Variants in STX8 observed in about 807,000 individuals in gnomAD.
The protein encoded by STX8 is syntaxin 8.
Under a neutral mutation model 37.5 loss-of-function variants are expected in STX8, and 23 were observed. The ratio of observed to expected loss-of-function variants is 0.61; its 90% CI spans 0.44 to 0.87. STX8 has a LOEUF of 0.87. Ranked by LOEUF, STX8 falls within the 40% of genes least tolerant of loss-of-function variation. STX8 has a pLI of 0.00. For synonymous variants in STX8, 115 were observed against 99.1 expected (o/e 1.16, Z -0.95); for missense variants, 313 against 284.7 (o/e 1.10, Z -0.71).
intron 6 of STX8, among the ~76,000 whole-genome samples, chr17:9,416,648 T>C (rs1018840338): frequency 5.9e-5 from 9 of 151,748 alleles, no homozygotes; most frequent in African/African-American, 2.2e-4. Context: ...ATTACAGATG[T>C]GAGCCACCAC....
intron 2 of STX8, among the ~76,000 whole-genome samples, chr17:9,558,847 C>CTGTT (rs1907095473): frequency 6.6e-6 from 1 of 151,036 alleles, no homozygotes; most frequent in Non-Finnish European, 1.5e-5. Context: ...GATAAAAGGG[C>CTGTT]AAAACAAGCA....
At chr17:9,562,795 C>G (rs1307021971) in intron 2 of STX8, among the ~76,000 whole-genome samples, 1 of 152,086 alleles carries the variant, frequency 6.6e-6, no homozygotes, top group Non-Finnish European at 1.5e-5. Context: ...AGTGCTCACA[C>G]ATTGCTGGTG....
chr17:9,463,877 C>T (rs1597688965), intron 6 of STX8, among the ~76,000 whole-genome samples: 1 of 149,902 alleles, frequency 6.7e-6, no homozygotes, highest in East Asian at 2.0e-4. Context: ...CATTGTACTC[C>T]AGCCTGGGCA....
intron 7 of STX8, among the ~76,000 whole-genome samples, chr17:9,324,188 T>C (rs1255277143): frequency 6.6e-6 from 1 of 151,918 alleles, no homozygotes; most frequent in East Asian, 1.9e-4. Flanking sequence ...TGTACGTGTA[T>C]GTACAAGAAA....
chr17:9,349,295 C>T (rs1266796590), intron 7 of STX8, among the ~76,000 whole-genome samples: 1 of 151,002 alleles, frequency 6.6e-6, no homozygotes, highest in African/African-American at 2.4e-5. Context: ...CTGCACCCGG[C>T]CGATAAATTT....
At chr17:9,514,784 A>G (rs9909932) in intron 4 of STX8, among the ~76,000 whole-genome samples, 5,340 of 152,220 alleles carry the variant, frequency 0.035, 359 homozygotes, top group African/African-American at 0.12. Context: ...CATCTCCCAT[A>G]TCATCCAGAA....
chr17:9,487,895 C>T (rs1001314686), intron 6 of STX8, among the ~76,000 whole-genome samples: 1 of 152,162 alleles, frequency 6.6e-6, no homozygotes, highest in African/African-American at 2.4e-5. Flanking sequence ...CAAAGTACAG[C>T]GCTAAATACA....
intron 6 of STX8, among the ~76,000 whole-genome samples, chr17:9,396,314 C>T (rs2142311109): frequency 7.1e-6 from 1 of 140,630 alleles, no homozygotes. Flanking sequence ...CAGTGGTTGC[C>T]AGGAGTTTGG....
chr17:9,378,053 G>T, intron 7 of STX8: 1 of 154,658 alleles, frequency 6.5e-6, no homozygotes, highest in Non-Finnish European at 1.4e-5. Context: ...CCCCAGGGGA[G>T]GGCCTCAGGA....
intron 6 of STX8, among the ~76,000 whole-genome samples, chr17:9,381,039 C>A (rs950115330): frequency 1.3e-5 from 2 of 152,058 alleles, no homozygotes; most frequent in African/African-American, 4.8e-5. Flanking sequence ...GTTACAACTG[C>A]TTACATGCAA....
chr17:9,299,962 C>G (rs1908709652), intron 7 of STX8, among the ~76,000 whole-genome samples: 2 of 152,138 alleles, frequency 1.3e-5, no homozygotes, highest in Admixed American at 1.3e-4. Context: ...ATCTTGGAAC[C>G]TAGGCAGGGC....
intron 6 of STX8, among the ~76,000 whole-genome samples, chr17:9,393,336 C>G (rs1912290390): frequency 6.6e-6 from 1 of 152,178 alleles, no homozygotes; most frequent in African/African-American, 2.4e-5. Context: ...CAGATCTACT[C>G]TAAGAGAACA....
intron 6 of STX8, among the ~76,000 whole-genome samples, chr17:9,426,345 GGC>G (rs1382209121): frequency 6.6e-6 from 1 of 152,066 alleles, no homozygotes; most frequent in East Asian, 1.9e-4. Flanking sequence ...TGGCCAACAT[GGC>G]GAAACCCTGT....
chr17:9,368,212 A>C (rs907712171), intron 7 of STX8, among the ~76,000 whole-genome samples: 1 of 152,132 alleles, frequency 6.6e-6, no homozygotes, highest in African/African-American at 2.4e-5. Context: ...CATAGAAAGA[A>C]AACATTGATG....
rs1597658637 is a variant in STX8, at chr17:9,417,926, G to A, written c.542-39273C>T. Among the ~76,000 whole-genome samples, 3 of 152,302 alleles carry A rather than the reference G, an allele frequency of 2.0e-5. No individual in the cohort carries two copies. In the South Asian group the frequency reaches 6.2e-4, roughly 32 times the overall value. On this transcript the variant is annotated intron_variant, in intron 6 of 7. Transcript: ENST00000306357. ...TGTGCTGGGGACACTTCTGGACCTTGCCCTAAGTGCCTCTTCATCAGGCTG... is the reference window on the plus strand; with the variant it reads ...TGTGCTGGGGACACTTCTGGACCTTACCCTAAGTGCCTCTTCATCAGGCTG...
intron 2 of STX8, among the ~76,000 whole-genome samples, chr17:9,566,005 C>T (rs1907444339): frequency 6.6e-6 from 1 of 152,090 alleles, no homozygotes; most frequent in Non-Finnish European, 1.5e-5. Flanking sequence ...GGAAACTATC[C>T]ACAGAGTGAA....
intron 7 of STX8, among the ~76,000 whole-genome samples, chr17:9,282,084 TTA>T (rs1462400175): frequency 1.3e-5 from 2 of 152,192 alleles, no homozygotes; most frequent in Admixed American, 6.5e-5. Flanking sequence ...GATGGACATT[TTA>T]TGTTTTTGTA....
chr17:9,379,676 T>A (rs1292474660), intron 6 of STX8, among the ~76,000 whole-genome samples: 5 of 152,038 alleles, frequency 3.3e-5, no homozygotes, highest in Non-Finnish European at 2.9e-5. Context: ...TTGTAAAGAA[T>A]CCTTGATGTG....
intron 7 of STX8, among the ~76,000 whole-genome samples, chr17:9,333,534 C>T (rs1423281319): frequency 6.6e-6 from 1 of 152,012 alleles, no homozygotes; most frequent in East Asian, 1.9e-4. Flanking sequence ...ACTATAGGCG[C>T]CCGCCACCAC....
Sources: allele counts gnomAD v4.1 joint callset (sites outside exome capture counted in the v4.1 genomes callset), GRCh38; gene constraint gnomAD v4.1.1; transcripts MANE v1.5; gene names NCBI Gene and HGNC (gene_info 2026-07-23, HGNC 2026-07-21).